KIF21A: variants seen among roughly 807,000 people sequenced by gnomAD.
The protein encoded by KIF21A is kinesin family member 21A.
A neutral mutation model predicts 202.9 loss-of-function variants in KIF21A; 114 were observed. That is an observed-to-expected ratio of 0.56 (90% CI 0.48 to 0.66). The LOEUF (loss-of-function observed/expected upper bound fraction) is 0.66, where lower values mean the gene tolerates loss of function less well. KIF21A is among the 30% of genes least tolerant of loss of function. The probability of loss-of-function intolerance (pLI) is 0.00; values close to 1 mark genes in which losing one functional copy is unlikely to be tolerated. For missense variants in KIF21A, 1,677 were observed against 1,994.9 expected (o/e 0.84, Z 3.04); for synonymous variants, 667 against 670.8 (o/e 0.99, Z 0.09).
At position 39,357,908 on chromosome 12, in the gene KIF21A, C is replaced by CAAAAAAAAAAAAAAAA. The variant is rs56035929; in HGVS notation, c.1215+254_1215+269dup. 3.0e-4 allele frequency among the ~76,000 whole-genome samples: 11 copies of CAAAAAAAAAAAAAAAA among 36,702 alleles called. 2 individuals are homozygous for CAAAAAAAAAAAAAAAA. The highest frequency in any genetic ancestry group is 4.4e-4 in the Admixed American group (1 of 2,284). 24.1% of individuals were successfully genotyped at this position (36,702 alleles called of 152,430 possible). A position where few individuals can be genotyped will look rare whatever the true frequency, so the allele number is the denominator to read the frequency against. On this transcript the variant is annotated intron_variant, in intron 8 of 37. Coordinates refer to ENST00000361418, the MANE Select transcript of KIF21A (RefSeq NM_001173464.2). The stretch of plus-strand genomic sequence containing the variant: ...TGGGTGATAGAGGGAGACTCCATCT[C>CAAAAAAAAAAAAAAAA]AAAAAAAAAAAAAAAAAAAAAAAAA...
intron 1 of KIF21A, among the ~76,000 whole-genome samples, chr12:39,431,012 T>C (rs1382063363): frequency 1.3e-5 from 2 of 152,172 alleles, no homozygotes; most frequent in African/African-American, 4.8e-5. Flanking sequence ...TCCCTGTTGG[T>C]ATTCTGTTAT....
Position 39,430,926 on chromosome 12 carries a change from A to G in KIF21A, c.44+12001T>C, listed in dbSNP as rs11172116. On this transcript the variant is annotated intron_variant, in intron 1 of 37. Transcript: ENST00000361418. ...ATGTGATGTCCTTCACCATGGTACT[A>G]TGCTGCCAGAAAGCCCTCATCAGAT... Among the ~76,000 whole-genome samples, 12 of 152,264 alleles carry G rather than the reference A, an allele frequency of 7.9e-5. No homozygotes were observed. The East Asian group carries it at 2.3e-3, about 29-fold the overall frequency.
intron 1 of KIF21A, among the ~76,000 whole-genome samples, chr12:39,432,703 C>T (rs550738822): frequency 4.6e-5 from 7 of 152,098 alleles, no homozygotes; most frequent in Admixed American, 2.0e-4. Flanking sequence ...CTCGGCCTCC[C>T]GAGTTCAAGT....
chr12:39,303,163 C>A (rs1943128066), intron 35 of KIF21A, 28 bp from the exon 36 acceptor site: 2 of 1,609,398 alleles, frequency 1.2e-6, no homozygotes, highest in Admixed American at 1.7e-5. Context: ...AAGCAGTTAT[C>A]CTATTTAACT....
At chr12:39,419,248 T>A (rs1001874878) in intron 1 of KIF21A, among the ~76,000 whole-genome samples, 1 of 152,154 alleles carries the variant, frequency 6.6e-6, no homozygotes, top group Non-Finnish European at 1.5e-5. Flanking sequence ...TTCATAAACT[T>A]TAGAGCCACA....
At chr12:39,399,573 A>G (rs1209349923) in intron 1 of KIF21A, among the ~76,000 whole-genome samples, 21 of 152,264 alleles carry the variant, frequency 1.4e-4, no homozygotes, top group Admixed American at 1.4e-3. Context: ...AATACATTAT[A>G]TAAACATGAG....
chr12:39,391,362 C>T (rs942712507), intron 1 of KIF21A, among the ~76,000 whole-genome samples: 15 of 152,040 alleles, frequency 9.9e-5, no homozygotes, highest in African/African-American at 3.4e-4. Flanking sequence ...ACAAGCGATA[C>T]TATCTATCTA....
In KIF21A at chr12:39,322,696, G is replaced by A; in HGVS notation, c.3643C>T (p.Pro1215Ser). Residue 1215 changes from proline (P) to serine (S), a missense_variant, in exon 27 of 38, where the codon CCT (proline) becomes TCT (serine). Physicochemically the swap from Pro to Ser is moderately conservative, Grantham distance 74 (BLOSUM62 -1). This residue lies in a region of KIF21A where 705 missense variants were observed against 791.9 expected (regional missense o/e 0.89). Coordinates refer to ENST00000361418, the MANE Select transcript of KIF21A (RefSeq NM_001173464.2). ...CTGCCTATCTTAGAAGGTAAGCCAG[G>A]TGGGGGAGAGAGCTCTTTTTCCCTA... ...SAREKELSPP[P>S]GLPSKIGSIS... 1 of 1,614,098 alleles carries A rather than the reference G, an allele frequency of 6.2e-7. No homozygotes were observed. The highest frequency in any genetic ancestry group is 8.5e-7 in the Non-Finnish European group (1 of 1,179,996).
chr12:39,381,500 G>C (rs187138927), intron 1 of KIF21A, among the ~76,000 whole-genome samples: 2 of 152,056 alleles, frequency 1.3e-5, no homozygotes, highest in East Asian at 3.9e-4. Flanking sequence ...ATGATACTGT[G>C]CAGATTAAGA....
At chr12:39,388,275 C>T (rs1386893393) in intron 1 of KIF21A, among the ~76,000 whole-genome samples, 2 of 152,146 alleles carry the variant, frequency 1.3e-5, no homozygotes, top group Non-Finnish European at 2.9e-5. Flanking sequence ...CTTCTTGCTT[C>T]CTCTCTCACC....
chr12:39,342,100 TG>T lies in KIF21A; in HGVS notation c.1736del (p.Thr579LysfsTer21), dbSNP rs780483286. The T allele has an allele frequency of 3.1e-6, 5 of 1,611,100 alleles. No individual in the cohort carries two copies. The South Asian group carries it at 5.5e-5, about 18-fold the overall frequency. ...CTTCTTTCTTCTCTTGGTCAGTGTC[TG>T]TATTATCCTCTTTACCAGCCACACT... ...ERSVAGKEDN[T>X]DTDQEKKEEK... is the part of the protein sequence containing the mutation. On this transcript the variant is annotated frameshift_variant, in exon 13 of 38. Transcript: ENST00000361418. LOFTEE classifies it high-confidence loss of function.
In KIF21A at chr12:39,302,945, A is replaced by T. The variant is rs1411972485; in HGVS notation, c.4731+20T>A. On this transcript the variant is annotated intron_variant, in intron 36 of 37. Transcript: ENST00000361418. ...TGTGTTGAAATGCCCACTCTATACC[A>T]TGAAAAGGTTCTGCATTACCTGAAG... is the stretch of plus-strand genomic sequence containing the variant. 6.2e-7 allele frequency: 1 copy of T among 1,609,188 alleles called. No individual in the cohort carries two copies. The highest frequency in any genetic ancestry group is 1.3e-5 in the African/African-American group (1 of 74,944).
At position 39,400,501 on chromosome 12, in the gene KIF21A, G is replaced by A. The variant is rs114180658; in HGVS notation, c.45-30240C>T. On this transcript the variant is annotated intron_variant, in intron 1 of 37. Coordinates refer to ENST00000361418, the MANE Select transcript of KIF21A (RefSeq NM_001173464.2). ...CCCCTCCATGTATCCATTTGTTCTCGTCATTCAACTCTCACTTATGAGTGA... is the reference window on the plus strand; with the variant it reads ...CCCCTCCATGTATCCATTTGTTCTCATCATTCAACTCTCACTTATGAGTGA... Among the ~76,000 whole-genome samples the A allele has an allele frequency of 5.8e-3, 878 of 151,462 alleles. 9 individuals carry two copies. Among genetic ancestry groups the A allele is most frequent in the African/African-American group, 0.02 (839 of 41,168 alleles).
chr12:39,384,953 G>C, intron 1 of KIF21A, among the ~76,000 whole-genome samples: 1 of 152,276 alleles, frequency 6.6e-6, no homozygotes, highest in East Asian at 1.9e-4. Flanking sequence ...TTCTCATAGT[G>C]TGTCAGCTTA....
At chr12:39,430,025 G>A (rs116305692) in intron 1 of KIF21A, among the ~76,000 whole-genome samples, 6,273 of 151,914 alleles carry the variant, frequency 0.041, 430 homozygotes, top group African/African-American at 0.14. Context: ...GTGGCCATCC[G>A]AAATTCTGAA....
chr12:39,344,700 T>G (rs556794621), intron 12 of KIF21A, among the ~76,000 whole-genome samples: 1 of 152,296 alleles, frequency 6.6e-6, no homozygotes, highest in East Asian at 1.9e-4. Flanking sequence ...CATTATTAAT[T>G]TAAAGGCTTA....
intron 27 of KIF21A, among the ~76,000 whole-genome samples, chr12:39,320,218 T>C (rs1164965484): frequency 1.3e-5 from 2 of 152,188 alleles, no homozygotes; most frequent in Non-Finnish European, 2.9e-5. Context: ...AATTTTTAAA[T>C]TGGTGATCTT....
chr12:39,341,433 T>G (rs1947433503), intron 14 of KIF21A, 72 bp downstream of exon 14: 5 of 1,417,266 alleles, frequency 3.5e-6, no homozygotes, highest in Non-Finnish European at 4.0e-6. Context: ...ATAGAGAATG[T>G]TAAGAGTTTT....
At chr12:39,350,103 T>C (rs1178032695) in intron 11 of KIF21A, among the ~76,000 whole-genome samples, 1 of 152,048 alleles carries the variant, frequency 6.6e-6, no homozygotes. Context: ...TCTCTAATTA[T>C]GTGTCTTTTT....
Sources: gnomAD v4.1 joint callset for allele counts (sites outside exome capture counted in the v4.1 genomes callset) on GRCh38, gnomAD v4.1.1 for gene constraint, gnomAD v4.1.1 regional missense constraint, MANE v1.5 for transcripts, NCBI Gene and HGNC (gene_info 2026-07-23, HGNC 2026-07-21) for gene names.